CD38: variants seen among roughly 807,000 people sequenced by gnomAD.
The protein encoded by CD38 is CD38 molecule, also known as ADP-ribosyl cyclase/cyclic ADP-ribose hydrolase 1.
In CD38, 31 loss-of-function variants were observed where a neutral mutation model predicts 36.3. That is an observed-to-expected ratio of 0.85 (90% CI 0.64 to 1.15). CD38 has a LOEUF of 1.15. CD38 is among the 50% of genes most tolerant of loss of function. The probability of loss-of-function intolerance (pLI) is 0.00; values close to 1 mark genes in which losing one functional copy is unlikely to be tolerated. For synonymous variants in CD38, 131 were observed against 135.2 expected (o/e 0.97, Z 0.22); for missense variants, 380 against 371.9 (o/e 1.02, Z -0.18).
intron 2 of CD38, among the ~76,000 whole-genome samples, chr4:15,822,127 C>T (rs1284905527): frequency 3.9e-5 from 6 of 152,134 alleles, no homozygotes; most frequent in South Asian, 2.1e-4. Flanking sequence ...AAAAGGCCTT[C>T]GATAAAATTC....
chr4:15,841,194 G>A (rs1724197864), intron 7 of CD38, among the ~76,000 whole-genome samples: 1 of 152,144 alleles, frequency 6.6e-6, no homozygotes, highest in African/African-American at 2.4e-5. Context: ...GTGACCAATG[G>A]TGTAGGTAGG....
intron 1 of CD38, among the ~76,000 whole-genome samples, chr4:15,789,166 A>C (rs1332712792): frequency 6.6e-6 from 1 of 152,204 alleles, no homozygotes; most frequent in African/African-American, 2.4e-5. Flanking sequence ...TTTTTGTAAG[A>C]TATCTATTCA....
intron 2 of CD38, among the ~76,000 whole-genome samples, chr4:15,822,332 G>A (rs1232582271): frequency 6.6e-6 from 1 of 152,148 alleles, no homozygotes; most frequent in Non-Finnish European, 1.5e-5. Context: ...AGTATTGGAT[G>A]TTCTGACCGG....
At position 15,791,179 on chromosome 4, in the gene CD38, G is replaced by A. The variant is rs1183901756; in HGVS notation, c.233+12532G>A. Among the ~76,000 whole-genome samples the A allele has an allele frequency of 1.9e-3, 202 of 106,410 alleles. 1 individual carries two copies. The highest frequency in any genetic ancestry group is 3.0e-3 in the Admixed American group (39 of 12,966). 69.8% of individuals were successfully genotyped at this position (106,410 alleles called of 152,430 possible). ...GCCCCGTCCGGGAGGGAGGTGGGGG[G>A]GTCAGCCCCCCGCCCGGCCAGCCGC... On this transcript the variant is annotated intron_variant, in intron 1 of 7. Transcript: ENST00000226279.
At position 15,840,075 on chromosome 4, in the gene CD38, A is replaced by G. The variant is rs745861847; in HGVS notation, c.709A>G (p.Thr237Ala). 2 of 1,613,486 alleles carry G rather than the reference A, an allele frequency of 1.2e-6. No individual in the cohort carries two copies. The highest frequency in any genetic ancestry group is 1.7e-5 in the Admixed American group (1 of 59,994). Residue 237 changes from threonine (T) to alanine (A), a missense_variant, in exon 6 of 8, where the codon ACA becomes GCA. Coordinates refer to ENST00000226279, the MANE Select transcript of CD38 (RefSeq NM_001775.4). ...VHNLQPEKVQ[T>A]LEAWVIHGGR... Reference sequence around the variant, plus strand: ...TAATTTGCAACCAGAGAAGGTTCAGACACTAGAGGCCTGGGTGATACATGG... The same window carrying G: ...TAATTTGCAACCAGAGAAGGTTCAGGCACTAGAGGCCTGGGTGATACATGG...
chr4:15,791,300 A>AG (rs1218769254), intron 1 of CD38, among the ~76,000 whole-genome samples: 2 of 23,956 alleles, frequency 8.3e-5, no homozygotes, highest in Non-Finnish European at 1.5e-4. Flanking sequence ...GGGAGGGGGG[A>AG]GGGGGGGTCA....
intron 1 of CD38, among the ~76,000 whole-genome samples, chr4:15,788,380 C>T (rs1023993977): frequency 5.9e-5 from 9 of 152,228 alleles, no homozygotes; most frequent in African/African-American, 1.9e-4. Flanking sequence ...AACAGGGAAA[C>T]CTGACACGTT....
intron 1 of CD38, among the ~76,000 whole-genome samples, chr4:15,806,732 G>C (rs1230083596): frequency 6.6e-6 from 1 of 152,152 alleles, no homozygotes; most frequent in Non-Finnish European, 1.5e-5. Context: ...GGCAGGAGCA[G>C]AATGGTAGGA....
intron 1 of CD38, among the ~76,000 whole-genome samples, chr4:15,781,869 C>T (rs986275808): frequency 6.6e-6 from 1 of 152,188 alleles, no homozygotes; most frequent in African/African-American, 2.4e-5. Flanking sequence ...TAAACAACCA[C>T]CCTAAAATTT....
At chr4:15,791,769 G>A (rs1465209013) in intron 1 of CD38, among the ~76,000 whole-genome samples, 2 of 80,756 alleles carry the variant, frequency 2.5e-5, no homozygotes, top group Admixed American at 1.8e-4. Flanking sequence ...GGATCCCTCT[G>A]CCCGGCCAGC....
chr4:15,852,484 T>C lies in CD38; in HGVS notation c.*3882T>C, dbSNP rs150259108. On this transcript the variant is annotated 3_prime_UTR_variant, in exon 8 of 8. Coordinates refer to ENST00000226279, the MANE Select transcript of CD38 (RefSeq NM_001775.4). ...TGGGTTTTTAAAAGGCAAGTTGTTATATGTGCTGGATAGTTTTTAAGTATG... is the reference window on the plus strand; with the variant it reads ...TGGGTTTTTAAAAGGCAAGTTGTTACATGTGCTGGATAGTTTTTAAGTATG... 170 of 152,346 alleles carry C rather than the reference T, an allele frequency of 1.1e-3. No individual in the cohort carries two copies. Among genetic ancestry groups the C allele is most frequent in the African/African-American group, 3.9e-3 (161 of 41,576 alleles). 9.4% of individuals were successfully genotyped at this position (152,346 alleles called of 1,614,324 possible). A position where few individuals can be genotyped will look rare whatever the true frequency, so the allele number is the denominator to read the frequency against.
chr4:15,821,712 A>G (rs1264235269), intron 2 of CD38, among the ~76,000 whole-genome samples: 1 of 143,214 alleles, frequency 7.0e-6, no homozygotes, highest in Non-Finnish European at 1.5e-5. Context: ...AAAAAAAAAA[A>G]GCCCAGGATC....
chr4:15,824,561 G>A (rs79767083), intron 2 of CD38, among the ~76,000 whole-genome samples: 6,207 of 151,976 alleles, frequency 0.041, 195 homozygotes, highest in Non-Finnish European at 0.059. Context: ...TAGGAATATC[G>A]TAACTCTCTG....
rs143986702 is a variant in CD38, at chr4:15,828,164, G to A, written c.499+3148G>A. On this transcript the variant is annotated intron_variant, in intron 3 of 7. Coordinates refer to ENST00000226279, the MANE Select transcript of CD38 (RefSeq NM_001775.4). ...CAGGTAGCTGGGACTACAGGTGCCT[G>A]CCACCACACTTGGCTAATTTTTTGT... Among the ~76,000 whole-genome samples, 1,110 of 152,108 alleles carry A rather than the reference G, an allele frequency of 7.3e-3. 12 individuals carry two copies. The highest frequency in any genetic ancestry group is 0.026 in the African/African-American group (1,060 of 41,496).
At chr4:15,826,677 G>C (rs575836076) in intron 3 of CD38, among the ~76,000 whole-genome samples, 1 of 152,016 alleles carries the variant, frequency 6.6e-6, no homozygotes, top group Non-Finnish European at 1.5e-5. Flanking sequence ...AGGTGGAGGA[G>C]GGAGGATCAC....
At chr4:15,821,554 A>G (rs952729442) in intron 2 of CD38, among the ~76,000 whole-genome samples, 1 of 152,156 alleles carries the variant, frequency 6.6e-6, no homozygotes, top group Non-Finnish European at 1.5e-5. Context: ...AAATACCTCT[A>G]TGCAAATAAA....
At chr4:15,831,748 A>G (rs1008121362) in intron 3 of CD38, among the ~76,000 whole-genome samples, 1 of 152,130 alleles carries the variant, frequency 6.6e-6, no homozygotes, top group African/African-American at 2.4e-5. Flanking sequence ...TTTGATTATC[A>G]AATGCTTTGG....
At position 15,848,890 on chromosome 4, in the gene CD38, T is replaced by G; in HGVS notation, c.*288T>G. 4.0e-6 allele frequency: 1 copy of G among 249,318 alleles called. No homozygotes were observed. The highest frequency in any genetic ancestry group is 7.7e-6 in the Non-Finnish European group (1 of 130,658). The allele number at this position is 249,318 out of a possible 1,614,324, so 15.4% of individuals were successfully genotyped here. A position where few individuals can be genotyped will look rare whatever the true frequency, so the allele number is the denominator to read the frequency against. ...TTCTCATGTGATCCTTTTATGTTAT[T>G]TATATATTGGTAACATCCTTTCTAT... On this transcript the variant is annotated 3_prime_UTR_variant, in exon 8 of 8. Coordinates refer to ENST00000226279, the MANE Select transcript of CD38 (RefSeq NM_001775.4).
intron 1 of CD38, among the ~76,000 whole-genome samples, chr4:15,795,793 A>T (rs1469541239): frequency 1.3e-5 from 2 of 152,148 alleles, no homozygotes; most frequent in African/African-American, 4.8e-5. Context: ...CATAGTAGAC[A>T]GTTATTCTAC....
Sources: allele counts gnomAD v4.1 joint callset (sites outside exome capture counted in the v4.1 genomes callset), GRCh38; gene constraint gnomAD v4.1.1; transcripts MANE v1.5; gene names NCBI Gene and HGNC (gene_info 2026-07-23, HGNC 2026-07-21).